AK5: variants seen among roughly 807,000 people sequenced by gnomAD.
AK5 encodes adenylate kinase 5.
A neutral mutation model predicts 69.5 loss-of-function variants in AK5; 27 were observed. The ratio of observed to expected loss-of-function variants is 0.39; its 90% CI spans 0.29 to 0.54. The LOEUF (loss-of-function observed/expected upper bound fraction) is 0.54. Among genes scored for constraint, AK5 ranks in the 20% least tolerant of loss-of-function variants. The probability of loss-of-function intolerance (pLI) is 0.71; values close to 1 mark genes in which losing one functional copy is unlikely to be tolerated. For synonymous variants in AK5, 260 were observed against 244.4 expected, an observed-to-expected ratio of 1.06 and a Z score of -0.60; for missense variants, 531 against 700.4, an observed-to-expected ratio of 0.76 and a Z score of 2.73.
intron 8 of AK5, among the ~76,000 whole-genome samples, chr1:77,472,192 T>G (rs1654547932): frequency 6.6e-6 from 1 of 152,186 alleles, no homozygotes. Context: ...TTACCCACAT[T>G]TTAAAGGTAG....
At chr1:77,342,753 TTAA>T (rs1301453760) in intron 6 of AK5, among the ~76,000 whole-genome samples, 1 of 152,192 alleles carries the variant, frequency 6.6e-6, no homozygotes, top group East Asian at 1.9e-4. Flanking sequence ...ATCATTTGTA[TTAA>T]TAATAAGCAT....
chr1:77,419,889 A>G (rs1650694133), intron 8 of AK5, among the ~76,000 whole-genome samples: 1 of 152,182 alleles, frequency 6.6e-6, no homozygotes, highest in East Asian at 1.9e-4. Flanking sequence ...TGGAAGGAAC[A>G]TATCCAGTCC....
At chr1:77,480,459 G>T (rs1655188276) in intron 8 of AK5, among the ~76,000 whole-genome samples, 1 of 152,206 alleles carries the variant, frequency 6.6e-6, no homozygotes. Flanking sequence ...GCAGAGGTCA[G>T]ATGGGCCCTT....
intron 13 of AK5, among the ~76,000 whole-genome samples, chr1:77,557,748 CT>C (rs1376802020): frequency 2.0e-5 from 3 of 152,198 alleles, no homozygotes; most frequent in Non-Finnish European, 4.4e-5. Context: ...TCCATGACCC[CT>C]AGCAATGTTT....
chr1:77,426,794 A>G (rs1651239247), intron 8 of AK5, among the ~76,000 whole-genome samples: 3 of 152,340 alleles, frequency 2.0e-5, no homozygotes, highest in Admixed American at 2.0e-4. Context: ...GTCTGCTCTC[A>G]GAACACAGTC....
intron 6 of AK5, among the ~76,000 whole-genome samples, chr1:77,400,427 A>C (rs528349346): frequency 6.6e-6 from 1 of 152,352 alleles, no homozygotes; most frequent in South Asian, 2.1e-4. Context: ...TCCAAGTGAT[A>C]AATTAAAATT....
chr1:77,438,633 A>G (rs1652118478), intron 8 of AK5, among the ~76,000 whole-genome samples: 2 of 152,206 alleles, frequency 1.3e-5, no homozygotes, highest in African/African-American at 4.8e-5. Flanking sequence ...ACAAGATTCA[A>G]ATTATTTATA....
intron 10 of AK5, among the ~76,000 whole-genome samples, chr1:77,507,782 C>A (rs1657108811): frequency 6.6e-6 from 1 of 152,224 alleles, no homozygotes; most frequent in East Asian, 1.9e-4. Flanking sequence ...GAGTTCACAG[C>A]AAATTGCCTT....
At position 77,530,902 on chromosome 1, in the gene AK5, C is replaced by T. The variant is rs946438374; in HGVS notation, c.1429-4945C>T. Among the ~76,000 whole-genome samples, 5 of 152,040 alleles carry T rather than the reference C, an allele frequency of 3.3e-5. 1 individual carries two copies. The highest frequency in any genetic ancestry group is 4.2e-4 in the South Asian group (2 of 4,818). On this transcript the variant is annotated intron_variant, in intron 12 of 13. Transcript: ENST00000354567. ...GGGCAGGAGGGCAAACTTCTCCTCC[C>T]GCTCCACTTGCTGGAATGACCAAAG...
At chr1:77,530,807 CA>C (rs1323877280) in intron 12 of AK5, among the ~76,000 whole-genome samples, 3 of 152,020 alleles carry the variant, frequency 2.0e-5, no homozygotes, top group Non-Finnish European at 4.4e-5. Flanking sequence ...AGCTCCTGCC[CA>C]CTGGTAAACG....
At chr1:77,386,114 T>C (rs1648008177) in intron 6 of AK5, among the ~76,000 whole-genome samples, 1 of 152,346 alleles carries the variant, frequency 6.6e-6, no homozygotes, top group Admixed American at 6.5e-5. Context: ...CTTAGTATAA[T>C]AGTTGTGTTC....
chr1:77,446,413 C>A (rs1397799005), intron 8 of AK5, among the ~76,000 whole-genome samples: 7 of 152,104 alleles, frequency 4.6e-5, no homozygotes, highest in Non-Finnish European at 1.0e-4. Context: ...TATTCAGGAT[C>A]TTTTGTGGAT....
chr1:77,344,257 G>C (rs1661801296), intron 6 of AK5, among the ~76,000 whole-genome samples: 1 of 152,052 alleles, frequency 6.6e-6, no homozygotes, highest in Admixed American at 6.6e-5. Context: ...TTTTGTTCTT[G>C]TATTATACAT....
intron 5 of AK5, among the ~76,000 whole-genome samples, chr1:77,332,317 A>T (rs944431632): frequency 1.3e-5 from 2 of 151,568 alleles, no homozygotes; most frequent in Admixed American, 1.3e-4. Context: ...TAGCTATAAT[A>T]TGCTTATTTT....
chr1:77,449,892 T>C (rs1653032570), intron 8 of AK5, among the ~76,000 whole-genome samples: 1 of 152,208 alleles, frequency 6.6e-6, no homozygotes, highest in South Asian at 2.1e-4. Flanking sequence ...TCTTTTCTAT[T>C]GCAATGTCAT....
chr1:77,319,735 A>G (rs2100320114), intron 5 of AK5, among the ~76,000 whole-genome samples: 1 of 152,366 alleles, frequency 6.6e-6, no homozygotes, highest in Middle Eastern at 3.4e-3. Context: ...ATCTTAAGTA[A>G]TTGCCAAAAA....
At chr1:77,532,357 C>T (rs1392800036) in intron 12 of AK5, 4 of 152,388 alleles carry the variant, frequency 2.6e-5, no homozygotes, top group African/African-American at 9.7e-5. Flanking sequence ...AGGCACCCCA[C>T]CCCACTCGCT....
intron 8 of AK5, among the ~76,000 whole-genome samples, chr1:77,438,326 A>T (rs1272731312): frequency 5.2e-5 from 2 of 38,508 alleles, no homozygotes; most frequent in African/African-American, 1.3e-4. Context: ...AAAAAAAAAC[A>T]AGCTTGGGGA....
At position 77,282,066 on chromosome 1, in the gene AK5, G is replaced by A; in HGVS notation, c.-248G>A. 2.7e-6 allele frequency: 1 copy of A among 367,438 alleles called. No individual in the cohort carries two copies. The highest frequency in any genetic ancestry group is 4.9e-6 in the Non-Finnish European group (1 of 205,104). The allele number at this position is 367,438 out of a possible 1,614,324, so 22.8% of individuals were successfully genotyped here. The stretch of plus-strand genomic sequence containing the variant: ...CCGGGAAGCCGCGGCACAGCTGCTC[G>A]GCGCCTGCAGCTCCGGCTCGGGGGC... On this transcript the variant is annotated 5_prime_UTR_variant, in exon 1 of 14. Transcript: ENST00000354567.
Sources: gnomAD v4.1 joint callset for allele counts (sites outside exome capture counted in the v4.1 genomes callset) on GRCh38, gnomAD v4.1.1 for gene constraint, MANE v1.5 for transcripts, NCBI Gene and HGNC (gene_info 2026-07-23, HGNC 2026-07-21) for gene names.